Variants in SLK observed in about 807,000 individuals in gnomAD.
SLK encodes the protein STE20-like serine/threonine-protein kinase.
In SLK, 67 loss-of-function variants were observed where a neutral mutation model predicts 147.7. That is an observed-to-expected ratio of 0.45 (90% CI 0.37 to 0.56). The LOEUF is 0.56. SLK is among the 20% of genes least tolerant of loss of function. The pLI, the probability that SLK is intolerant of heterozygous loss-of-function variation, is 0.00. For missense variants in SLK, 1,136 were observed against 1,438.8 expected (o/e 0.79, Z 3.41); for synonymous variants, 441 against 475.0 (o/e 0.93, Z 0.93).
chr10:103,978,662 A>G (rs1345891857), intron 1 of SLK, among the ~76,000 whole-genome samples: 1 of 152,174 alleles, frequency 6.6e-6, no homozygotes, highest in Non-Finnish European at 1.5e-5. Flanking sequence ...TTTATTTTAT[A>G]TCCCTGTGTT....
intron 8 of SLK, among the ~76,000 whole-genome samples, chr10:104,001,967 C>T (rs989609129): frequency 6.6e-6 from 1 of 152,144 alleles, no homozygotes; most frequent in Non-Finnish European, 1.5e-5. Flanking sequence ...CTTCCCTCCT[C>T]GGTCTCCCAA....
Position 104,028,417 on chromosome 10 carries a change from G to A in SLK, c.*2697G>A, listed in dbSNP as rs1844625629. 1 of 152,136 alleles carries A rather than the reference G, an allele frequency of 6.6e-6. No individual in the cohort carries two copies. Among genetic ancestry groups the A allele is most frequent in the Non-Finnish European group, 1.5e-5 (1 of 68,030 alleles). 9.4% of individuals were successfully genotyped at this position (152,136 alleles called of 1,614,324 possible). On this transcript the variant is annotated 3_prime_UTR_variant, in exon 19 of 19. Coordinates refer to ENST00000369755, the MANE Select transcript of SLK (RefSeq NM_014720.4). ...CCATACAGTGCGAATTGCTGAATTA[G>A]CTGCTATTCTATGTGGAGTCACATT...
chr10:104,007,504 C>T (rs181643996), intron 11 of SLK, among the ~76,000 whole-genome samples: 15 of 151,722 alleles, frequency 9.9e-5, no homozygotes, highest in Non-Finnish European at 1.6e-4. Flanking sequence ...GCTACTCAGG[C>T]GGCTGAGGCA....
chr10:103,985,477 T>A (rs1156780734), intron 1 of SLK, among the ~76,000 whole-genome samples: 2 of 152,348 alleles, frequency 1.3e-5, no homozygotes, highest in Non-Finnish European at 2.9e-5. Context: ...AGGCTCTTCT[T>A]CTTTTGGTGG....
intron 1 of SLK, among the ~76,000 whole-genome samples, chr10:103,968,886 T>C (rs1315038567): frequency 6.6e-6 from 1 of 152,224 alleles, no homozygotes; most frequent in African/African-American, 2.4e-5. Flanking sequence ...CAGCCTAGAC[T>C]TGAACTCAGG....
chr10:104,021,766 T>G, intron 18 of SLK, 33 bp downstream of exon 18: 1 of 1,190,318 alleles, frequency 8.4e-7, no homozygotes, highest in Non-Finnish European at 1.2e-6. Context: ...AAATGATATG[T>G]GTGTACTCGT....
At chr10:104,023,323 A>G (rs996305256) in intron 18 of SLK, among the ~76,000 whole-genome samples, 1 of 152,224 alleles carries the variant, frequency 6.6e-6, no homozygotes, top group Non-Finnish European at 1.5e-5. Context: ...TGTTGCAGAT[A>G]GACAACTCCA....
At chr10:104,005,477 A>C (rs805661) in intron 9 of SLK, 84 bp from the exon 10 acceptor site, 208,442 of 1,275,294 alleles carry the variant, frequency 0.16, 17,808 homozygotes, top group South Asian at 0.18. Context: ...TTTAAAAAAG[A>C]AAGAAATGTT....
At chr10:103,972,099 GTTCA>G (rs1346672694) in intron 1 of SLK, among the ~76,000 whole-genome samples, 4 of 152,114 alleles carry the variant, frequency 2.6e-5, no homozygotes, top group Non-Finnish European at 4.4e-5. Flanking sequence ...TGTTTGTGAG[GTTCA>G]TCTTTATCAC....
intron 4 of SLK, among the ~76,000 whole-genome samples, chr10:103,993,818 G>C (rs575814773): frequency 9.2e-5 from 14 of 152,306 alleles, no homozygotes; most frequent in Non-Finnish European, 1.9e-4. Context: ...ATATTCAGAA[G>C]TCAAGTTGAT....
chr10:104,025,192 G>A (rs550308324), intron 18 of SLK, among the ~76,000 whole-genome samples: 34 of 152,304 alleles, frequency 2.2e-4, no homozygotes, highest in Admixed American at 1.2e-3. Context: ...GCAGGGGTAA[G>A]TGCCATGTGG....
intron 9 of SLK, 56 bp from the exon 10 acceptor site, chr10:104,005,505 T>G: frequency 3.3e-6 from 5 of 1,497,140 alleles, no homozygotes; most frequent in Non-Finnish European, 4.5e-6. Flanking sequence ...GAAGAAAATG[T>G]TTTCTACCTC....
At chr10:104,016,243 C>T (rs551718509) in intron 13 of SLK, among the ~76,000 whole-genome samples, 2 of 151,606 alleles carry the variant, frequency 1.3e-5, no homozygotes, top group Admixed American at 1.3e-4. Flanking sequence ...GGCATGAACC[C>T]GGGAGGCGGA....
rs140276120 is a variant in SLK at position 104,020,505 on chromosome 10, A to G, written c.3339A>G (p.Glu1113=). 3.1e-6 allele frequency: 5 copies of G among 1,613,574 alleles called. No homozygotes were observed. The highest frequency in any genetic ancestry group is 4.2e-6 in the Non-Finnish European group (5 of 1,179,756). ...ATTTATAGTTTGCTGCACAAGAAGAAAAGAGGCAGAAAAATGAGAGAATGG... is the reference window on the plus strand; with the variant it reads ...ATTTATAGTTTGCTGCACAAGAAGAGAAGAGGCAGAAAAATGAGAGAATGG... ...DKIKQFAAQE[E]KRQKNERMAQ... The change falls in exon 17 of 19, where the codon GAA becomes GAG. Residue 1113 remains glutamate, a synonymous_variant. Coordinates refer to ENST00000369755, the MANE Select transcript of SLK (RefSeq NM_014720.4).
Position 104,008,175 on chromosome 10 carries a change from A to G in SLK, c.2605-2A>G. 6.2e-7 allele frequency: 1 copy of G among 1,608,596 alleles called. No homozygotes were observed. The highest frequency in any genetic ancestry group is 8.5e-7 in the Non-Finnish European group (1 of 1,177,276). Reference sequence around the variant, plus strand: ...ATCATCTTGAGCTATATTGTTTTACAGAGTAAAAAGCGACAATATGACCAG... The same window carrying G: ...ATCATCTTGAGCTATATTGTTTTACGGAGTAAAAAGCGACAATATGACCAG... On this transcript the variant is annotated splice_acceptor_variant, in intron 11 of 18. Transcript: ENST00000369755. LOFTEE classifies it high-confidence loss of function.
At chr10:104,022,964 A>G (rs927920632) in intron 18 of SLK, among the ~76,000 whole-genome samples, 2 of 152,232 alleles carry the variant, frequency 1.3e-5, no homozygotes, top group Non-Finnish European at 2.9e-5. Context: ...TGAATAGGTA[A>G]TGCATTCATG....
In SLK at chr10:104,000,029, C is replaced by G. The variant is rs890007161; in HGVS notation, c.864+81C>G. On this transcript the variant is annotated intron_variant, in intron 7 of 18. Transcript: ENST00000369755. ...ATTTCATATTCAGTGTGCTTTCTTT[C>G]CACTTAAATTTCCCTGTGGAGAGTC... 11 of 637,138 alleles carry G rather than the reference C, an allele frequency of 1.7e-5. No homozygotes were observed. In the African/African-American group the frequency reaches 1.9e-4, roughly 11 times the overall value. 39.5% of individuals were successfully genotyped at this position (637,138 alleles called of 1,614,324 possible). A position where few individuals can be genotyped will look rare whatever the true frequency, so the allele number is the denominator to read the frequency against.
In SLK at chr10:104,016,744, A is replaced by G. The variant is rs147000612; in HGVS notation, c.2878-1416A>G. Among the ~76,000 whole-genome samples, 201 of 151,368 alleles carry G rather than the reference A, an allele frequency of 1.3e-3. 1 individual carries two copies. The highest frequency in any genetic ancestry group is 4.8e-3 in the African/African-American group (194 of 40,792). The stretch of plus-strand genomic sequence containing the variant: ...AGAGATTCAGGATGGTAGCAAGCCA[A>G]CCATCCTGAGGAGTGGAGTGAGACT... On this transcript the variant is annotated intron_variant, in intron 13 of 18. Transcript: ENST00000369755.
At chr10:103,999,649 T>G (rs1844219150) in intron 6 of SLK, among the ~76,000 whole-genome samples, 1 of 152,200 alleles carries the variant, frequency 6.6e-6, no homozygotes, top group Non-Finnish European at 1.5e-5. Context: ...AGTATATGGC[T>G]GTCTCAGTGA....
Sources: gnomAD v4.1 joint callset for allele counts (sites outside exome capture counted in the v4.1 genomes callset) on GRCh38, gnomAD v4.1.1 for gene constraint, MANE v1.5 for transcripts, NCBI Gene and HGNC (gene_info 2026-07-23, HGNC 2026-07-21) for gene names.